Variants in PNKP observed in about 807,000 individuals in gnomAD.
PNKP encodes the protein bifunctional polynucleotide phosphatase/kinase.
PNKP carries 82 observed loss-of-function variants against 66.2 expected under a neutral mutation model. The ratio of observed to expected loss-of-function variants is 1.24; its 90% CI spans 1.04 to 1.49. PNKP has a LOEUF of 1.49. PNKP is among the 40% of genes most tolerant of loss of function. The pLI is 0.00. For synonymous variants in PNKP, 412 were observed against 298.9 expected, an observed-to-expected ratio of 1.38 and a Z score of -3.90; for missense variants, 907 against 706.8, an observed-to-expected ratio of 1.28 and a Z score of -3.21.
rs2074787691 is a variant in PNKP, at chr19:49,862,741, A to G, written c.817-3T>C. ...GATATGGGCGTGCCGTCGTTGGCCT[A>G]CGGGAGACGGTAGTGAGGAGGCCCT... is the stretch of plus-strand genomic sequence containing the variant. On this transcript the variant is annotated splice_polypyrimidine_tract_variant and splice_region_variant and intron_variant, in intron 8 of 16. Transcript: ENST00000322344. 1 of 1,613,990 alleles carries G rather than the reference A, an allele frequency of 6.2e-7. No homozygotes were observed. The highest frequency in any genetic ancestry group is 8.5e-7 in the Non-Finnish European group (1 of 1,179,936).
intron 3 of PNKP, 160 bp from the exon 4 acceptor site, chr19:49,865,586 C>G (rs2074812950): frequency 1.9e-6 from 1 of 539,352 alleles, no homozygotes; most frequent in African/African-American, 2.0e-5. Flanking sequence ...TACAGGTTTT[C>G]AGCCTTGTCC....
At position 49,861,765 on chromosome 19, in the gene PNKP, A is replaced by ACGCTACCTGGCGCGGCTCG. The variant is rs760249644; in HGVS notation, c.1286_1298+6dup. 721 of 1,566,764 alleles carry ACGCTACCTGGCGCGGCTCG rather than the reference A, an allele frequency of 4.6e-4. 2 individuals carry two copies. The African/African-American group carries it at 8.9e-3, about 19-fold the overall frequency. Reference sequence around the variant, plus strand: ...GCAGGCCACCTACGGCCCCGCGGTCACGCTACCTGGCGCGGCTCGCGGCGT... The same window carrying ACGCTACCTGGCGCGGCTCG: ...GCAGGCCACCTACGGCCCCGCGGTCACGCTACCTGGCGCGGCTCGCGCTACCTGGCGCGGCTCGCGGCGT... On this transcript the variant is annotated splice_region_variant and intron_variant, in intron 14 of 16. Coordinates refer to ENST00000322344, the MANE Select transcript of PNKP (RefSeq NM_007254.4).
chr19:49,866,038 G>C, intron 3 of PNKP: 1 of 356,434 alleles, frequency 2.8e-6, no homozygotes, highest in South Asian at 2.5e-5. Flanking sequence ...TTTGAGACAG[G>C]TTCTCGCTCT....
intron 8 of PNKP, among the ~76,000 whole-genome samples, chr19:49,863,023 G>T (rs1568660908): frequency 2.0e-5 from 3 of 152,234 alleles, no homozygotes; most frequent in Middle Eastern, 3.4e-3. Flanking sequence ...CCTCCGGCGT[G>T]CCGGCGCCTC....
Position 49,861,256 on chromosome 19 carries a change from C to G in PNKP, c.1558G>C (p.Glu520Gln), listed in dbSNP as rs770823063. Residue 520 changes from glutamate (E) to glutamine (Q), a missense_variant, in exon 17 of 17, where the codon GAG becomes CAG. Glu to Gln is a conservative substitution (Grantham distance 29). Transcript: ENST00000322344. ...RLGRLYCQFS[E>Q]G Reference sequence around the variant, plus strand: ...GGGGAGCTGGGCGGGGCTCAGCCCTCGGAGAACTGGCAGTACAGCCGCCCC... The same window carrying G: ...GGGGAGCTGGGCGGGGCTCAGCCCTGGGAGAACTGGCAGTACAGCCGCCCC... 3.7e-6 allele frequency: 6 copies of G among 1,600,884 alleles called. No individual in the cohort carries two copies. Among genetic ancestry groups the G allele is most frequent in the Admixed American group, 1.7e-5 (1 of 59,996 alleles).
chr19:49,865,638 T>C (rs1488274497), intron 3 of PNKP: 4 of 559,302 alleles, frequency 7.2e-6, no homozygotes, highest in Admixed American at 3.5e-5. Context: ...CCTGGAGATA[T>C]AGGCTTGTTT....
rs755967508 is a variant in PNKP at position 49,862,543 on chromosome 19, G to T, written c.931C>A (p.Arg311Ser). 6.2e-7 allele frequency: 1 copy of T among 1,609,928 alleles called. No homozygotes were observed. The change falls in exon 10 of 17, where the codon CGC becomes AGC. Residue 311 changes from arginine to serine, a missense_variant. Physicochemically the swap from Arg to Ser is moderately radical, Grantham distance 110. Coordinates refer to ENST00000322344, the MANE Select transcript of PNKP (RefSeq NM_007254.4). ...GCAGGGGGCAGGGGCCTCACCAGGC[G>T]ATCGGCGCAGGAGAAGTCTTTCTTC... ...RKKKDFSCAD[R>S]LFALNLGLPF...
At position 49,864,545 on chromosome 19, in the gene PNKP, T is replaced by A. The variant is rs929287033; in HGVS notation, c.499-142A>T. ...TGGGGAAACCGAGTCACAGAGCACC[T>A]CCATCTCAAGCATCCGTGATGCCTC... On this transcript the variant is annotated intron_variant, in intron 4 of 16. Coordinates refer to ENST00000322344, the MANE Select transcript of PNKP (RefSeq NM_007254.4). 8 of 739,190 alleles carry A rather than the reference T, an allele frequency of 1.1e-5. No individual in the cohort carries two copies. The African/African-American group carries it at 1.4e-4, about 13-fold the overall frequency. 45.8% of individuals were successfully genotyped at this position (739,190 alleles called of 1,614,324 possible). A position where few individuals can be genotyped will look rare whatever the true frequency, so the allele number is the denominator to read the frequency against.
intron 3 of PNKP, 115 bp downstream of exon 3, chr19:49,866,284 G>A (rs2074819674): frequency 2.0e-6 from 2 of 1,001,646 alleles, no homozygotes; most frequent in East Asian, 4.8e-5. Context: ...ACAGGCTTGA[G>A]CCACCACGCC....
chr19:49,866,938 C>T, intron 2 of PNKP, 116 bp downstream of exon 2: 1 of 990,916 alleles, frequency 1.0e-6, no homozygotes, highest in Admixed American at 1.7e-5. Context: ...TAGAGAGCAC[C>T]TTCCGACTTC....
intron 14 of PNKP, 28 bp downstream of exon 14, chr19:49,861,744 G>T: frequency 6.4e-7 from 1 of 1,555,746 alleles, no homozygotes. Context: ...CCCGCCGCAG[G>T]CCACCTACGG....
In PNKP at chr19:49,862,748, A is replaced by T; in HGVS notation, c.817-10T>A. On this transcript the variant is annotated splice_polypyrimidine_tract_variant and intron_variant, in intron 8 of 16. Transcript: ENST00000322344. The stretch of plus-strand genomic sequence containing the variant: ...GCGTGCCGTCGTTGGCCTACGGGAG[A>T]CGGTAGTGAGGAGGCCCTTCCCACA... 1 of 1,613,900 alleles carries T rather than the reference A, an allele frequency of 6.2e-7. No homozygotes were observed. The highest frequency in any genetic ancestry group is 8.5e-7 in the Non-Finnish European group (1 of 1,179,922).
chr19:49,866,490 T>C (rs375543052), intron 2 of PNKP, 45 bp from the exon 3 acceptor site: 22 of 1,590,636 alleles, frequency 1.4e-5, no homozygotes, highest in African/African-American at 6.7e-5. Context: ...CCTTGTGTGA[T>C]TGGGTCCCTC....
chr19:49,862,579 G>C lies in PNKP; in HGVS notation c.895C>G (p.Pro299Ala), dbSNP rs1358883108. Residue 299 changes from proline to alanine, a missense_variant, in exon 10 of 17, where the codon CCG becomes GCG. Physicochemically the swap from Pro to Ala is conservative, Grantham distance 27. Coordinates refer to ENST00000322344, the MANE Select transcript of PNKP (RefSeq NM_007254.4). ...GAGAAGTCTTTCTTCTTCCGCCCCG[G>C]GGCCCAGTTGGCCGGGCGTCCGGCT... ...DAAGRPANWA[P>A]GRKKKDFSCA... The C allele has an allele frequency of 6.2e-7, 1 of 1,613,164 alleles. No individual in the cohort carries two copies. The highest frequency in any genetic ancestry group is 2.2e-5 in the East Asian group (1 of 44,836).
chr19:49,862,928 G>GC, intron 8 of PNKP, 190 bp from the exon 9 acceptor site: 1 of 688,232 alleles, frequency 1.5e-6, no homozygotes, highest in South Asian at 1.6e-5. Context: ...TCTCCACACA[G>GC]CCCCCTCCCT....
rs560951767 is a variant in PNKP at position 49,861,901 on chromosome 19, C to G, written c.1189-20G>C. 1.3e-6 allele frequency: 2 copies of G among 1,579,918 alleles called. No homozygotes were observed. The highest frequency in any genetic ancestry group is 2.9e-5 in the African/African-American group (2 of 69,766). On this transcript the variant is annotated intron_variant, in intron 13 of 16. Coordinates refer to ENST00000322344, the MANE Select transcript of PNKP (RefSeq NM_007254.4). ...CGTGTCCTGGGGACACGAGAGGTCA[C>G]AAACAGATCGGCAGACCCAGGGGGA...
intron 10 of PNKP, 36 bp downstream of exon 10, chr19:49,862,502 C>T (rs777540276): frequency 1.9e-6 from 3 of 1,598,656 alleles, no homozygotes; most frequent in South Asian, 2.2e-5. Flanking sequence ...AGGCCAGGGT[C>T]GGGCTCGGGC....
chr19:49,863,156 C>T (rs911209960), intron 8 of PNKP, among the ~76,000 whole-genome samples: 20 of 152,232 alleles, frequency 1.3e-4, no homozygotes, highest in African/African-American at 4.6e-4. Flanking sequence ...CTAGGGACTG[C>T]CTCAGGGCCT....
chr19:49,867,312 C>T, intron 1 of PNKP, 95 bp from the exon 2 acceptor site: 4 of 1,290,964 alleles, frequency 3.1e-6, no homozygotes, highest in Non-Finnish European at 3.2e-6. Context: ...GTTTCCCCAC[C>T]ATTAACTGCT....
Sources: gnomAD v4.1 joint callset for allele counts (sites outside exome capture counted in the v4.1 genomes callset) on GRCh38, gnomAD v4.1.1 for gene constraint, MANE v1.5 for transcripts, NCBI Gene and HGNC (gene_info 2026-07-23, HGNC 2026-07-21) for gene names.